The following CCDC102B variants were observed in gnomAD, a reference collection of about 807,000 sequenced individuals.
The protein encoded by CCDC102B is coiled-coil domain containing 102B.
In CCDC102B, 75 loss-of-function variants were observed where a neutral mutation model predicts 57.4. The observed-to-expected ratio is 1.31, with a 90% CI of 1.08 to 1.58. The LOEUF (loss-of-function observed/expected upper bound fraction) is 1.58, where lower values mean the gene tolerates loss of function less well. Ranked by LOEUF, CCDC102B falls within the 40% of genes most tolerant of loss-of-function variation. The pLI, the probability that CCDC102B is intolerant of heterozygous loss-of-function variation, is 0.00. For missense variants in CCDC102B, 636 were observed against 582.6 expected (o/e 1.09, Z -0.94); for synonymous variants, 206 against 201.9 (o/e 1.02, Z -0.17).
intron 4 of CCDC102B, among the ~76,000 whole-genome samples, chr18:68,870,264 C>T (rs774620175): frequency 3.6e-4 from 55 of 152,118 alleles, no homozygotes; most frequent in Non-Finnish European, 6.8e-4. Context: ...ACCTAGATGA[C>T]GGGTTGATAG....
At chr18:68,952,765 A>G (rs1175874950) in intron 6 of CCDC102B, among the ~76,000 whole-genome samples, 2 of 152,220 alleles carry the variant, frequency 1.3e-5, no homozygotes, top group African/African-American at 2.4e-5. Context: ...AATGCCATCA[A>G]GAATATGTGC....
chr18:69,033,032 A>G (rs2052190800), intron 7 of CCDC102B, among the ~76,000 whole-genome samples: 1 of 152,188 alleles, frequency 6.6e-6, no homozygotes, highest in African/African-American at 2.4e-5. Flanking sequence ...ATCTGTGCCC[A>G]CTTATCAAAT....
At chr18:68,967,158 C>CAGA in intron 6 of CCDC102B, among the ~76,000 whole-genome samples, 1 of 101,442 alleles carries the variant, frequency 9.9e-6, no homozygotes, top group Non-Finnish European at 2.0e-5. Context: ...TGCCTCTTTT[C>CAGA]GGTGTGTAGA....
chr18:68,758,879 T>A (rs1599418630), intron 2 of CCDC102B, among the ~76,000 whole-genome samples: 2 of 146,666 alleles, frequency 1.4e-5, no homozygotes, highest in Non-Finnish European at 1.5e-5. Context: ...AAAACAAACT[T>A]AACAAATAAA....
chr18:68,891,274 T>C (rs2040068439), intron 5 of CCDC102B, among the ~76,000 whole-genome samples: 2 of 152,200 alleles, frequency 1.3e-5, no homozygotes, highest in South Asian at 2.1e-4. Flanking sequence ...AGTTCTGTGT[T>C]CACAGGTCAC....
chr18:68,938,293 A>G (rs1369568571), intron 6 of CCDC102B, among the ~76,000 whole-genome samples: 1 of 152,074 alleles, frequency 6.6e-6, no homozygotes, highest in Non-Finnish European at 1.5e-5. Context: ...ATTATGACAC[A>G]TATTCAAAGT....
rs556813559 is a variant in CCDC102B, at chr18:68,839,569, G to A, written c.827+643G>A. Among the ~76,000 whole-genome samples, 18 of 152,306 alleles carry A rather than the reference G, an allele frequency of 1.2e-4. No individual in the cohort carries two copies. The South Asian group carries it at 3.5e-3, about 30-fold the overall frequency. On this transcript the variant is annotated intron_variant, in intron 3 of 7. Coordinates refer to ENST00000360242, the MANE Select transcript of CCDC102B (RefSeq NM_024781.3). ...CCTGTCTTCTGTTCAAGAATCGCGA[G>A]CATGGCTTGGCATGGACATTGTATC...
chr18:69,035,944 C>A (rs2052279455), intron 7 of CCDC102B, among the ~76,000 whole-genome samples: 1 of 151,984 alleles, frequency 6.6e-6, no homozygotes, highest in South Asian at 2.1e-4. Flanking sequence ...ATAAGGACAC[C>A]CCACTGTGGA....
chr18:68,795,004 A>G (rs975667174), upstream of CCDC102B, among the ~76,000 whole-genome samples: 1 of 140,182 alleles, frequency 7.1e-6, no homozygotes, highest in Non-Finnish European at 1.5e-5. Flanking sequence ...TTTACTGGTC[A>G]TTAATTTGTA....
At chr18:68,718,993 CAGA>C (rs1416106885) in intron 2 of CCDC102B, among the ~76,000 whole-genome samples, 8 of 151,914 alleles carry the variant, frequency 5.3e-5, no homozygotes, top group African/African-American at 1.9e-4. Flanking sequence ...ATACTAGAAC[CAGA>C]AGAAGAGCAT....
At position 69,010,792 on chromosome 18, in the gene CCDC102B, G is replaced by A. The variant is rs544897068; in HGVS notation, c.1264-142G>A. On this transcript the variant is annotated intron_variant, in intron 6 of 7. Coordinates refer to ENST00000360242, the MANE Select transcript of CCDC102B (RefSeq NM_024781.3). ...ATACTAATTATAATATCTGATTACAGAAATGTAGAATTGCAAATGAAGATG... is the reference window on the plus strand; with the variant it reads ...ATACTAATTATAATATCTGATTACAAAAATGTAGAATTGCAAATGAAGATG... The A allele has an allele frequency of 6.3e-5, 36 of 569,406 alleles. No homozygotes were observed. The South Asian group carries it at 1.1e-3, about 18-fold the overall frequency. 35.3% of individuals were successfully genotyped at this position (569,406 alleles called of 1,614,324 possible).
chr18:69,015,798 A>G (rs534839148), intron 7 of CCDC102B, among the ~76,000 whole-genome samples: 78 of 152,318 alleles, frequency 5.1e-4, no homozygotes, highest in Middle Eastern at 6.8e-3. Flanking sequence ...TTCATCCTTC[A>G]TCATTTTACT....
intron 2 of CCDC102B, among the ~76,000 whole-genome samples, chr18:68,760,300 C>T (rs1371480542): frequency 6.6e-6 from 1 of 151,980 alleles, no homozygotes; most frequent in African/African-American, 2.4e-5. Context: ...CCCCAACGAC[C>T]TGTAATATAG....
At chr18:68,975,996 T>TA (rs1321572069) in intron 6 of CCDC102B, among the ~76,000 whole-genome samples, 1 of 151,996 alleles carries the variant, frequency 6.6e-6, no homozygotes, top group African/African-American at 2.4e-5. Context: ...TCAATAGAAA[T>TA]ACAGATGCCT....
intron 6 of CCDC102B, among the ~76,000 whole-genome samples, chr18:68,987,787 A>G (rs910972996): frequency 3.9e-5 from 6 of 152,070 alleles, no homozygotes; most frequent in African/African-American, 9.7e-5. Flanking sequence ...AAAAAAAACC[A>G]TGAAAAAAAT....
At chr18:68,926,461 G>T (rs1220954950) in intron 6 of CCDC102B, among the ~76,000 whole-genome samples, 2 of 151,584 alleles carry the variant, frequency 1.3e-5, no homozygotes, top group Non-Finnish European at 3.0e-5. Flanking sequence ...CATTGACTTA[G>T]TATGTACTCT....
chr18:68,877,510 AC>A (rs2039495127), intron 5 of CCDC102B, among the ~76,000 whole-genome samples: 1 of 152,226 alleles, frequency 6.6e-6, no homozygotes, highest in African/African-American at 2.4e-5. Flanking sequence ...CCATGAGGTC[AC>A]AAGTCAGCTT....
At chr18:68,821,492 G>C (rs892686660) in intron 1 of CCDC102B, among the ~76,000 whole-genome samples, 9 of 151,506 alleles carry the variant, frequency 5.9e-5, no homozygotes, top group Admixed American at 5.3e-4. Flanking sequence ...ATGCCACAGA[G>C]AGAAAACAAA....
chr18:69,047,892 C>T (rs183752865), intron 7 of CCDC102B, among the ~76,000 whole-genome samples: 17 of 152,022 alleles, frequency 1.1e-4, no homozygotes, highest in African/African-American at 4.1e-4. Context: ...ATGACAAAAA[C>T]AAATGGAAAA....
Sources: gnomAD v4.1 joint callset for allele counts (sites outside exome capture counted in the v4.1 genomes callset) on GRCh38, gnomAD v4.1.1 for gene constraint, MANE v1.5 for transcripts, NCBI Gene and HGNC (gene_info 2026-07-23, HGNC 2026-07-21) for gene names.